AGMO: variants seen among roughly 807,000 people sequenced by gnomAD.
The protein encoded by AGMO is glyceryl-ether monooxygenase.
A neutral mutation model predicts 60.2 loss-of-function variants in AGMO; 75 were observed. The ratio of observed to expected loss-of-function variants is 1.25; its 90% CI spans 1.03 to 1.51. The LOEUF is 1.51. Ranked by LOEUF, AGMO falls within the 40% of genes most tolerant of loss-of-function variation. AGMO has a pLI of 0.00. For synonymous variants in AGMO, 261 were observed against 177.1 expected, an observed-to-expected ratio of 1.47 and a Z score of -3.76; for missense variants, 763 against 525.5, an observed-to-expected ratio of 1.45 and a Z score of -4.42.
At chr7:15,395,141 C>A (rs755054377) in intron 5 of AGMO, among the ~76,000 whole-genome samples, 1 of 152,130 alleles carries the variant, frequency 6.6e-6, no homozygotes, top group Non-Finnish European at 1.5e-5. Context: ...TTGTTAGAGC[C>A]TACCAATGAC....
chr7:15,423,109 G>C (rs1583536041), intron 4 of AGMO, among the ~76,000 whole-genome samples: 1 of 151,858 alleles, frequency 6.6e-6, no homozygotes, highest in East Asian at 1.9e-4. Flanking sequence ...TATTTTAATA[G>C]TTGAAAAATA....
intron 3 of AGMO, among the ~76,000 whole-genome samples, chr7:15,450,036 A>G (rs1374492255): frequency 6.6e-6 from 1 of 152,206 alleles, no homozygotes; most frequent in Non-Finnish European, 1.5e-5. Context: ...TTTAATTTAC[A>G]TAATCATGCA....
the AGMO span, among the ~76,000 whole-genome samples, chr7:15,119,417 C>T: frequency 6.6e-6 from 1 of 152,140 alleles, no homozygotes; most frequent in South Asian, 2.1e-4. Flanking sequence ...ATAATTTCTA[C>T]AATCTTAAAT....
At chr7:15,476,228 G>A (rs974865824) in intron 3 of AGMO, among the ~76,000 whole-genome samples, 25 of 152,036 alleles carry the variant, frequency 1.6e-4, no homozygotes, top group African/African-American at 5.3e-4. Flanking sequence ...CATTAGAAAC[G>A]GATTGTGGAA....
intron 3 of AGMO, among the ~76,000 whole-genome samples, chr7:15,489,810 T>C (rs1783023246): frequency 6.6e-6 from 1 of 152,212 alleles, no homozygotes; most frequent in Non-Finnish European, 1.5e-5. Context: ...AAAGTTGATA[T>C]AGTTTGTACT....
intron 3 of AGMO, among the ~76,000 whole-genome samples, chr7:15,519,554 C>G (rs567660169): frequency 2.6e-5 from 4 of 152,238 alleles, no homozygotes; most frequent in Admixed American, 6.5e-5. Flanking sequence ...TCCAGTGAAA[C>G]TAAGCTTCAT....
the AGMO span, among the ~76,000 whole-genome samples, chr7:15,125,366 A>C: frequency 6.6e-6 from 1 of 152,074 alleles, no homozygotes; most frequent in Non-Finnish European, 1.5e-5. Context: ...TTGTGGCTAG[A>C]AGTGCAGTGG....
rs112067130 is a variant in AGMO, at chr7:15,347,557, C to T, written c.1263+17957G>A. Among the ~76,000 whole-genome samples the T allele has an allele frequency of 1.4e-4, 22 of 152,004 alleles. 1 individual carries two copies. Among genetic ancestry groups the T allele is most frequent in the African/African-American group, 3.4e-4 (14 of 41,508 alleles). On this transcript the variant is annotated intron_variant, in intron 12 of 12. Coordinates refer to ENST00000342526, the MANE Select transcript of AGMO (RefSeq NM_001004320.2). The stretch of plus-strand genomic sequence containing the variant: ...TTATAGCTTAAAATAATTAAAACCT[C>T]GCCTAGAAGATAATTCATGACTCAA...
chr7:15,558,208 T>G (rs1329330127), intron 2 of AGMO, among the ~76,000 whole-genome samples: 2 of 152,024 alleles, frequency 1.3e-5, no homozygotes, highest in Non-Finnish European at 2.9e-5. Context: ...CTAATTTCAT[T>G]TGGAACAAAA....
At chr7:15,192,144 GT>G in the AGMO span, among the ~76,000 whole-genome samples, 5 of 152,066 alleles carry the variant, frequency 3.3e-5, no homozygotes, top group African/African-American at 1.2e-4. Context: ...AGGCAGAAGT[GT>G]GGGATTCCCG....
intron 12 of AGMO, among the ~76,000 whole-genome samples, chr7:15,322,525 TAA>T (rs1473118357): frequency 1.1e-4 from 8 of 75,924 alleles, no homozygotes; most frequent in African/African-American, 4.8e-4. Context: ...TAAATATATA[TAA>T]ATATATAAAT....
At chr7:15,443,130 G>T (rs1781605633) in intron 3 of AGMO, among the ~76,000 whole-genome samples, 1 of 152,158 alleles carries the variant, frequency 6.6e-6, no homozygotes, top group East Asian at 1.9e-4. Flanking sequence ...CAATTCTTCT[G>T]GTACACCAAG....
intron 4 of AGMO, among the ~76,000 whole-genome samples, chr7:15,423,082 A>C (rs1341837436): frequency 2.1e-5 from 3 of 140,122 alleles, no homozygotes; most frequent in Non-Finnish European, 3.3e-5. Flanking sequence ...TTTGGACTCT[A>C]GAATTCATGT....
At chr7:15,492,375 A>C (rs1005828734) in intron 3 of AGMO, among the ~76,000 whole-genome samples, 2 of 151,004 alleles carry the variant, frequency 1.3e-5, no homozygotes, top group Admixed American at 6.6e-5. Context: ...AAAAAAAAAA[A>C]ACATTAATAA....
intron 12 of AGMO, among the ~76,000 whole-genome samples, chr7:15,319,400 C>G (rs1280143060): frequency 6.6e-6 from 1 of 152,002 alleles, no homozygotes; most frequent in Non-Finnish European, 1.5e-5. Flanking sequence ...AAGAGAGGCC[C>G]TCATAAAACA....
At chr7:15,226,994 G>A (rs184346931) in intron 12 of AGMO, among the ~76,000 whole-genome samples, 42 of 152,110 alleles carry the variant, frequency 2.8e-4, no homozygotes, top group African/African-American at 6.0e-4. Flanking sequence ...AGAATGTTGC[G>A]TTATTTCCTG....
downstream of AGMO, among the ~76,000 whole-genome samples, chr7:15,198,245 GA>G (rs1781181928): frequency 6.4e-5 from 6 of 94,416 alleles, no homozygotes; most frequent in East Asian, 5.1e-4. Flanking sequence ...GAGAGAGAGA[GA>G]GAGAGAGAGA....
At chr7:15,339,657 T>C (rs1781772601) in intron 12 of AGMO, among the ~76,000 whole-genome samples, 1 of 152,164 alleles carries the variant, frequency 6.6e-6, no homozygotes, top group African/African-American at 2.4e-5. Flanking sequence ...ATATAGACTG[T>C]TTACAGTATC....
intron 3 of AGMO, among the ~76,000 whole-genome samples, chr7:15,442,334 G>T (rs1313633322): frequency 1.3e-5 from 2 of 152,110 alleles, no homozygotes; most frequent in South Asian, 2.1e-4. Context: ...AAATCTGAAT[G>T]TATGTCTGGT....
Sources: gnomAD v4.1 joint callset for allele counts (sites outside exome capture counted in the v4.1 genomes callset) on GRCh38, gnomAD v4.1.1 for gene constraint, MANE v1.5 for transcripts, NCBI Gene and HGNC (gene_info 2026-07-23, HGNC 2026-07-21) for gene names.